RALYL: variants seen among roughly 807,000 people sequenced by gnomAD.
RALYL encodes the protein RNA-binding Raly-like protein.
In RALYL, 29 loss-of-function variants were observed where a neutral mutation model predicts 35.1. The observed-to-expected ratio is 0.83, with a 90% CI of 0.61 to 1.13. The LOEUF is 1.13. Among genes scored for constraint, RALYL ranks in the 50% most tolerant of loss-of-function variants. RALYL has a pLI of 0.00. For missense variants in RALYL, 359 were observed against 360.4 expected (o/e 1.00, Z 0.03); for synonymous variants, 120 against 127.6 (o/e 0.94, Z 0.40).
At chr8:84,358,745 A>G (rs1852362288) in intron 1 of RALYL, among the ~76,000 whole-genome samples, 1 of 152,062 alleles carries the variant, frequency 6.6e-6, no homozygotes, top group African/African-American at 2.4e-5. Flanking sequence ...TTGCTTAGTT[A>G]GAAATAGAAA....
rs1012822371 is a variant in RALYL at position 84,292,434 on chromosome 8, G to A, written c.-24+108010G>A. On this transcript the variant is annotated intron_variant, in intron 1 of 8. Transcript: ENST00000521268. ...AAGGGAGGGGAGAAATGCCAGGGGCGTGTGAACCAGAGCAACTCCCTCTTA... is the reference window on the plus strand; with the variant it reads ...AAGGGAGGGGAGAAATGCCAGGGGCATGTGAACCAGAGCAACTCCCTCTTA... Among the ~76,000 whole-genome samples the A allele has an allele frequency of 5.3e-5, 8 of 152,214 alleles. No individual in the cohort carries two copies. In the South Asian group the frequency reaches 8.3e-4, roughly 16 times the overall value.
At chr8:84,876,488 C>T (rs1462634333) in intron 7 of RALYL, among the ~76,000 whole-genome samples, 1 of 152,138 alleles carries the variant, frequency 6.6e-6, no homozygotes, top group Non-Finnish European at 1.5e-5. Context: ...ATATAAGTTG[C>T]CACATATGCA....
intron 2 of RALYL, among the ~76,000 whole-genome samples, chr8:84,620,747 G>T (rs1314598038): frequency 6.6e-6 from 1 of 151,292 alleles, no homozygotes; most frequent in Non-Finnish European, 1.5e-5. Flanking sequence ...GGTCTTTGAT[G>T]ATGGTGATGT....
chr8:84,596,695 A>G (rs1408673574), intron 2 of RALYL, among the ~76,000 whole-genome samples: 2 of 152,104 alleles, frequency 1.3e-5, no homozygotes, highest in African/African-American at 4.8e-5. Flanking sequence ...CGCCTGTTAG[A>G]CACCTATGGA....
intron 6 of RALYL, chr8:84,872,818 T>C (rs1232215935): frequency 6.6e-6 from 1 of 152,364 alleles, no homozygotes; most frequent in Non-Finnish European, 1.5e-5. Context: ...CTTTAAAGGA[T>C]AAATTGTATA....
intron 2 of RALYL, among the ~76,000 whole-genome samples, chr8:84,771,728 T>C (rs533683757): frequency 6.6e-6 from 1 of 152,216 alleles, no homozygotes; most frequent in East Asian, 1.9e-4. Flanking sequence ...ATTTTCTATT[T>C]GGTGTTTTGA....
intron 2 of RALYL, among the ~76,000 whole-genome samples, chr8:84,570,819 C>T (rs1169166289): frequency 1.3e-5 from 2 of 151,706 alleles, no homozygotes; most frequent in African/African-American, 2.4e-5. Flanking sequence ...TTATTGGATG[C>T]TTCTTCTGCA....
rs371908956 is a variant in RALYL at position 84,702,934 on chromosome 8, A to G, written c.257-71645A>G. 9.9e-5 allele frequency among the ~76,000 whole-genome samples: 15 copies of G among 152,240 alleles called. No homozygotes were observed. The East Asian group carries it at 2.5e-3, about 25-fold the overall frequency. On this transcript the variant is annotated intron_variant, in intron 2 of 8. Coordinates refer to ENST00000521268, the MANE Select transcript of RALYL (RefSeq NM_173848.7). ...AGAATGTTTGTTAATTAAGGCATAA[A>G]ACTGATTTTGCAAACAAAACAACTC...
intron 3 of RALYL, among the ~76,000 whole-genome samples, chr8:84,791,912 C>T (rs1266679550): frequency 1.3e-5 from 2 of 152,328 alleles, no homozygotes; most frequent in South Asian, 4.1e-4. Context: ...CTGTTTCCCC[C>T]CCGGCAGGAT....
intron 1 of RALYL, among the ~76,000 whole-genome samples, chr8:84,456,936 C>T (rs887208846): frequency 3.9e-5 from 6 of 151,910 alleles, no homozygotes; most frequent in Admixed American, 6.6e-5. Context: ...TTAGGAGTCG[C>T]TTTGAGCATC....
At chr8:84,830,816 T>A (rs1483537302) in intron 4 of RALYL, among the ~76,000 whole-genome samples, 1 of 152,136 alleles carries the variant, frequency 6.6e-6, no homozygotes. Context: ...TTAGATAAAA[T>A]GTTTTCTTAA....
intron 1 of RALYL, among the ~76,000 whole-genome samples, chr8:84,425,783 C>CTATGTGTGTATGTGTGTGTG (rs372367035): frequency 1.4e-5 from 2 of 144,508 alleles, no homozygotes; most frequent in African/African-American, 5.2e-5. Flanking sequence ...AGTTTTTCTT[C>CTATGTGTGTATGTGTGTGTG]TGTGTGTGTG....
chr8:84,397,816 G>A (rs2042495954), intron 1 of RALYL, among the ~76,000 whole-genome samples: 1 of 152,114 alleles, frequency 6.6e-6, no homozygotes, highest in Admixed American at 6.5e-5. Flanking sequence ...TGCACCTCCT[G>A]TTTTCTGGGA....
chr8:84,326,686 A>G (rs1845855010), intron 1 of RALYL, among the ~76,000 whole-genome samples: 1 of 152,230 alleles, frequency 6.6e-6, no homozygotes, highest in African/African-American at 2.4e-5. Flanking sequence ...GAATTACTAC[A>G]TTAAGTATAT....
chr8:84,430,814 G>A (rs2047063188), intron 1 of RALYL, among the ~76,000 whole-genome samples: 1 of 152,000 alleles, frequency 6.6e-6, no homozygotes. Context: ...TAAGGAAAAT[G>A]TTCCTGTAAT....
chr8:84,444,243 C>A (rs1428171029), intron 1 of RALYL, among the ~76,000 whole-genome samples: 1 of 151,990 alleles, frequency 6.6e-6, no homozygotes, highest in African/African-American at 2.4e-5. Flanking sequence ...GCGGGAGGAT[C>A]CCTTGAGTCC....
rs201193434 is a variant in RALYL at position 84,661,942 on chromosome 8, G to GT, written c.257-112624dup. ...TAGTCATAGTCACATTTTTGTTACT[G>GT]TTTTTTTTTTTTTCCTTGTGGTCCC... On this transcript the variant is annotated intron_variant, in intron 2 of 8. Transcript: ENST00000521268. Among the ~76,000 whole-genome samples the GT allele has an allele frequency of 7.9e-3, 1,103 of 139,618 alleles. 5 individuals carry two copies. Among genetic ancestry groups the GT allele is most frequent in the Middle Eastern group, 0.029 (8 of 276 alleles). 91.6% of individuals were successfully genotyped at this position (139,618 alleles called of 152,430 possible).
chr8:84,568,818 T>C (rs1369163961), intron 2 of RALYL, among the ~76,000 whole-genome samples: 7 of 149,608 alleles, frequency 4.7e-5, no homozygotes, highest in Non-Finnish European at 1.0e-4. Flanking sequence ...TGAGCATTTT[T>C]TCATGTGTTT....
chr8:84,817,697 G>A (rs1827681068), intron 4 of RALYL, among the ~76,000 whole-genome samples: 1 of 151,952 alleles, frequency 6.6e-6, no homozygotes, highest in East Asian at 1.9e-4. Flanking sequence ...TGGAACTATA[G>A]GCATGAGCCA....
Sources: gnomAD v4.1 joint callset for allele counts (sites outside exome capture counted in the v4.1 genomes callset) on GRCh38, gnomAD v4.1.1 for gene constraint, MANE v1.5 for transcripts, NCBI Gene and HGNC (gene_info 2026-07-23, HGNC 2026-07-21) for gene names.